The following ACBD6 variants were observed in gnomAD, a reference collection of about 807,000 sequenced individuals.
ACBD6 encodes acyl-CoA binding domain containing 6.
ACBD6 carries 28 observed loss-of-function variants against 37.2 expected under a neutral mutation model. That is an observed-to-expected ratio of 0.75 (90% confidence interval 0.56 to 1.03). The LOEUF (loss-of-function observed/expected upper bound fraction) is 1.03, where lower values mean the gene tolerates loss of function less well. Ranked by LOEUF, ACBD6 falls within the 50% of genes least tolerant of loss-of-function variation. ACBD6 has a pLI of 0.00. For synonymous variants in ACBD6, 113 were observed against 126.8 expected (o/e 0.89, Z 0.73); for missense variants, 340 against 337.4 (o/e 1.01, Z -0.06).
intron 5 of ACBD6, among the ~76,000 whole-genome samples, chr1:180,406,173 T>C (rs920397746): frequency 6.6e-6 from 1 of 152,184 alleles, no homozygotes. Context: ...ATTAGAAATA[T>C]ATGCCTTACT....
At chr1:180,284,715 T>C (rs1248201219), downstream of ACBD6, among the ~76,000 whole-genome samples, 1 of 152,146 alleles carries the variant, frequency 6.6e-6, no homozygotes, top group Non-Finnish European at 1.5e-5. Flanking sequence ...AATGTGTATA[T>C]ATAAAATCCA....
intron 6 of ACBD6, among the ~76,000 whole-genome samples, chr1:180,378,790 G>GT (rs1465619489): frequency 6.6e-6 from 1 of 151,966 alleles, no homozygotes; most frequent in South Asian, 2.1e-4. Flanking sequence ...CCCCCAGCAT[G>GT]TGCTACCTGC....
intron 7 of ACBD6, among the ~76,000 whole-genome samples, chr1:180,309,158 A>G (rs186350944): frequency 8.3e-4 from 126 of 152,316 alleles, no homozygotes; most frequent in African/African-American, 2.9e-3. Context: ...ACTAGCAAGT[A>G]TGTATAGATA....
intron 6 of ACBD6, among the ~76,000 whole-genome samples, chr1:180,328,562 G>A (rs973916603): frequency 4.0e-5 from 6 of 151,730 alleles, no homozygotes; most frequent in African/African-American, 4.8e-5. Flanking sequence ...TATGGCTAAC[G>A]AGAAAATTTT....
chr1:180,390,239 G>C (rs1654021206), intron 6 of ACBD6, among the ~76,000 whole-genome samples: 1 of 151,544 alleles, frequency 6.6e-6, no homozygotes, highest in African/African-American at 2.4e-5. Context: ...AGTTTTCCCA[G>C]CACCATTTAT....
At chr1:180,360,983 G>C (rs879264406) in intron 6 of ACBD6, among the ~76,000 whole-genome samples, 2 of 152,104 alleles carry the variant, frequency 1.3e-5, no homozygotes, top group Non-Finnish European at 2.9e-5. Flanking sequence ...TCACGCAAAG[G>C]GGGGTCAGTT....
At chr1:180,487,184 G>A (rs983593054) in intron 3 of ACBD6, among the ~76,000 whole-genome samples, 2 of 152,028 alleles carry the variant, frequency 1.3e-5, no homozygotes, top group African/African-American at 4.8e-5. Flanking sequence ...TTTGAATATG[G>A]ACTACAGACT....
At chr1:180,451,208 T>C (rs1472785553) in intron 3 of ACBD6, among the ~76,000 whole-genome samples, 1 of 152,190 alleles carries the variant, frequency 6.6e-6, no homozygotes, top group African/African-American at 2.4e-5. Flanking sequence ...CAAGATACCA[T>C]TTCAGACCCA....
At chr1:180,501,948 T>C in intron 1 of ACBD6, 97 bp downstream of exon 1, 2 of 1,182,198 alleles carry the variant, frequency 1.7e-6, no homozygotes, top group Non-Finnish European at 2.5e-6. Context: ...ACAAGCTTCA[T>C]TACACCTAGC....
chr1:180,378,832 C>G (rs915904052), intron 6 of ACBD6, among the ~76,000 whole-genome samples: 1 of 152,100 alleles, frequency 6.6e-6, no homozygotes, highest in African/African-American at 2.4e-5. Context: ...CCACCCATCA[C>G]AGCCACCACC....
chr1:180,307,248 C>G (rs1160756996), intron 7 of ACBD6, among the ~76,000 whole-genome samples: 1 of 152,072 alleles, frequency 6.6e-6, no homozygotes, highest in Non-Finnish European at 1.5e-5. Flanking sequence ...TGAAATATGC[C>G]AGGCACAGAA....
exon 14 of ACBD6, chr1:180,271,514 C>G: frequency 6.2e-7 from 1 of 1,614,150 alleles, no homozygotes; most frequent in Non-Finnish European, 8.5e-7. Context: ...AGAGACAGGC[C>G]TGGACATGAG....
intron 3 of ACBD6, among the ~76,000 whole-genome samples, chr1:180,454,679 GA>G (rs910283117): frequency 1.2e-4 from 18 of 151,116 alleles, no homozygotes; most frequent in African/African-American, 3.9e-4. Flanking sequence ...AAATTTACAA[GA>G]AAAAAAACCC....
intron 3 of ACBD6, among the ~76,000 whole-genome samples, chr1:180,473,595 CTG>C (rs1352435109): frequency 6.6e-6 from 1 of 152,000 alleles, no homozygotes; most frequent in Non-Finnish European, 1.5e-5. Context: ...ATTTCAAAAA[CTG>C]TAAAAAGAGA....
intron 6 of ACBD6, among the ~76,000 whole-genome samples, chr1:180,351,939 A>G (rs1652435155): frequency 6.6e-6 from 1 of 152,252 alleles, no homozygotes; most frequent in African/African-American, 2.4e-5. Flanking sequence ...AATATGGTAT[A>G]TACATACAAA....
intron 3 of ACBD6, among the ~76,000 whole-genome samples, chr1:180,480,891 C>T (rs1651009783): frequency 6.6e-6 from 1 of 151,946 alleles, no homozygotes; most frequent in African/African-American, 2.4e-5. Context: ...ATTAACTGGG[C>T]ATGGTGGCAT....
At chr1:180,346,285 T>C (rs936953195) in intron 6 of ACBD6, among the ~76,000 whole-genome samples, 2 of 152,210 alleles carry the variant, frequency 1.3e-5, no homozygotes, top group Non-Finnish European at 2.9e-5. Context: ...TTGATGTAGC[T>C]ACTCAAAAGC....
chr1:180,312,869 G>A (rs566334039), intron 7 of ACBD6, among the ~76,000 whole-genome samples: 57 of 152,292 alleles, frequency 3.7e-4, no homozygotes, highest in Non-Finnish European at 7.5e-4. Flanking sequence ...TGAGTAAACT[G>A]AGGTACAGTG....
chr1:180,342,252 AT>A (rs1652009649), intron 6 of ACBD6, among the ~76,000 whole-genome samples: 1 of 152,190 alleles, frequency 6.6e-6, no homozygotes, highest in African/African-American at 2.4e-5. Flanking sequence ...TAGATTATCT[AT>A]TCTGCCTTCC....
Sources: allele counts gnomAD v4.1 joint callset (sites outside exome capture counted in the v4.1 genomes callset), GRCh38; gene constraint gnomAD v4.1.1; transcripts MANE v1.5; gene names NCBI Gene and HGNC (gene_info 2026-07-23, HGNC 2026-07-21).